The following AMPD3 variants were observed in gnomAD, a reference collection of about 807,000 sequenced individuals.
The protein encoded by AMPD3 is adenosine monophosphate deaminase 3.
In AMPD3, 57 loss-of-function variants were observed where a neutral mutation model predicts 82.3. The observed-to-expected ratio is 0.69, with a 90% CI of 0.56 to 0.86. The LOEUF (loss-of-function observed/expected upper bound fraction) is 0.86, where lower values mean the gene tolerates loss of function less well. Among genes scored for constraint, AMPD3 ranks in the 40% least tolerant of loss-of-function variants. AMPD3 has a pLI of 0.00. For synonymous variants in AMPD3, 381 were observed against 394.7 expected, an observed-to-expected ratio of 0.97 and a Z score of 0.41; for missense variants, 870 against 1,003.8, an observed-to-expected ratio of 0.87 and a Z score of 1.80.
chr11:10,496,977 CA>C, intron 10 of AMPD3, 39 bp downstream of exon 10: 1 of 1,609,600 alleles, frequency 6.2e-7, no homozygotes, highest in Non-Finnish European at 8.5e-7. Context: ...CTCATAGCGG[CA>C]GAGGCAGGAA....
At chr11:10,450,715 C>A (rs1429818893), upstream of AMPD3, 3 of 1,097,972 alleles carry the variant, frequency 2.7e-6, no homozygotes, top group Admixed American at 1.0e-4. Flanking sequence ...CGGCGCGGCC[C>A]GGGCGCTTCA....
At chr11:10,452,924 C>CA (rs1847995767), upstream of AMPD3, among the ~76,000 whole-genome samples, 2 of 152,130 alleles carry the variant, frequency 1.3e-5, no homozygotes, top group South Asian at 4.1e-4. Flanking sequence ...GATTCAAATG[C>CA]AGGGAGTCTA....
chr11:10,500,815 G>T (rs536925443), intron 11 of AMPD3: 2 of 985,306 alleles, frequency 2.0e-6, no homozygotes, highest in Non-Finnish European at 2.4e-6. Flanking sequence ...CGAGGCACAC[G>T]TGGCCAGGAG....
rs761730405 is a variant in AMPD3, at chr11:10,487,378, G to A, written c.939+14G>A. On this transcript the variant is annotated intron_variant, in intron 6 of 14. Coordinates refer to ENST00000396553, the MANE Select transcript of AMPD3 (RefSeq NM_001025389.2). ...AACGTGAGAAAGGTGCGTTAGGGGC[G>A]AGTGTTCACAGCTGCCTCACCCGGT... 4.6e-5 allele frequency: 74 copies of A among 1,613,696 alleles called. No individual in the cohort carries two copies. Among genetic ancestry groups the A allele is most frequent in the Middle Eastern group, 1.6e-4 (1 of 6,070 alleles).
At chr11:10,464,624 GCTTGGTC>G (rs1299970801) in intron 2 of AMPD3, among the ~76,000 whole-genome samples, 1 of 152,146 alleles carries the variant, frequency 6.6e-6, no homozygotes, top group African/African-American at 2.4e-5. Context: ...CTGAAAAAAA[GCTTGGTC>G]CCTGGACTGT....
At chr11:10,503,867 A>G (rs946370978) in intron 13 of AMPD3, 15 of 626,488 alleles carry the variant, frequency 2.4e-5, no homozygotes, top group South Asian at 7.0e-5. Context: ...AAGACCTTTC[A>G]AAAGGTCTTA....
chr11:10,486,977 C>T (rs1849089570), intron 5 of AMPD3: 1 of 985,428 alleles, frequency 1.0e-6, no homozygotes, highest in Non-Finnish European at 1.2e-6. Flanking sequence ...AACACATAAA[C>T]AAGAAGTCAA....
rs574490148 is a variant in AMPD3 at position 10,478,138 on chromosome 11, A to C, written c.222-388A>C. 5 of 985,288 alleles carry C rather than the reference A, an allele frequency of 5.1e-6. No individual in the cohort carries two copies. The East Asian group carries it at 5.7e-4, about 112-fold the overall frequency. 61.0% of individuals were successfully genotyped at this position (985,288 alleles called of 1,614,324 possible). On this transcript the variant is annotated intron_variant, in intron 2 of 14. Coordinates refer to ENST00000396553, the MANE Select transcript of AMPD3 (RefSeq NM_001025389.2). ...AGAGTTTGTGTTATCTGAAGCCAGC[A>C]TGCTGTCCACACTGTGGGGAAAGCC...
chr11:10,484,900 A>T lies in AMPD3; in HGVS notation c.670A>T (p.Met224Leu). The T allele has an allele frequency of 6.2e-7, 1 of 1,614,072 alleles. No individual in the cohort carries two copies. The highest frequency in any genetic ancestry group is 1.1e-5 in the South Asian group (1 of 91,076). ...CCCCAACCTGGATTACTTGGTCCAC[A>T]TGCAGGGGGGCATCCTCTTTGTGTA... ...APPNLDYLVH[M>L]QGGILFVYDN... The change falls in exon 5 of 15, where the codon ATG becomes TTG. Residue 224 changes from methionine to leucine, a missense_variant. Met to Leu is a conservative substitution (Grantham distance 15). Transcript: ENST00000396553.
intron 2 of AMPD3, chr11:10,473,489 G>T (rs1175982475): frequency 1.0e-5 from 10 of 985,090 alleles, no homozygotes; most frequent in Non-Finnish European, 1.2e-5. Flanking sequence ...GAGAAAGAAG[G>T]GGCAGGTTTC....
At chr11:10,479,122 A>C (rs954894403) in intron 3 of AMPD3, among the ~76,000 whole-genome samples, 1 of 152,176 alleles carries the variant, frequency 6.6e-6, no homozygotes, top group Admixed American at 6.5e-5. Flanking sequence ...GTGTGAAATT[A>C]GTTGTTGCTA....
intron 13 of AMPD3, among the ~76,000 whole-genome samples, chr11:10,503,193 T>C (rs1361954052): frequency 6.6e-6 from 1 of 152,244 alleles, no homozygotes; most frequent in Non-Finnish European, 1.5e-5. Context: ...TGGATCAAGT[T>C]CTTCTTCATC....
intron 14 of AMPD3, 42 bp downstream of exon 14, chr11:10,504,701 G>C (rs1849669170): frequency 1.3e-6 from 2 of 1,573,176 alleles, no homozygotes; most frequent in African/African-American, 2.7e-5. Context: ...TCCTGGGAAG[G>C]CTGCCTGCTG....
intron 5 of AMPD3, 96 bp downstream of exon 5, chr11:10,485,135 T>G: frequency 8.4e-7 from 1 of 1,189,432 alleles, no homozygotes; most frequent in South Asian, 1.3e-5. Context: ...TGGGGTCCCC[T>G]GTACTTAAAG....
chr11:10,494,546 T>G, intron 7 of AMPD3: 2 of 985,162 alleles, frequency 2.0e-6, no homozygotes, highest in Non-Finnish European at 2.4e-6. Flanking sequence ...TTGAATGATA[T>G]AATGTGGAGA....
chr11:10,485,039 C>T lies in AMPD3; in HGVS notation c.809C>T (p.Thr270Met), dbSNP rs754844590. The T allele has an allele frequency of 3.1e-6, 5 of 1,612,482 alleles. No homozygotes were observed. The highest frequency in any genetic ancestry group is 1.7e-5 in the Admixed American group (1 of 59,892). ...HILALITDGP[T>M]KTYCHRRLNF... ...CTGGCTCTCATCACCGATGGCCCCA[C>T]GTAAGCTAGCTTCTCCGCGGCTGCC... is the stretch of plus-strand genomic sequence containing the variant. The change falls in exon 5 of 15, where the codon ACG becomes ATG. Residue 270 changes from threonine to methionine, a missense_variant and splice_region_variant. Transcript: ENST00000396553.
chr11:10,478,586 A>G lies in AMPD3; in HGVS notation c.282A>G (p.Gln94=), dbSNP rs757544674. The G allele has an allele frequency of 1.2e-6, 2 of 1,614,208 alleles. No homozygotes were observed. The highest frequency in any genetic ancestry group is 1.1e-5 in the South Asian group (1 of 91,078). The part of the protein sequence containing the change: ...QSLSLQMPPQ[Q]DWKGPPAASP... Reference sequence around the variant, plus strand: ...TGTCTCTGCAAATGCCGCCACAGCAAGATTGGAAGGGCCCCCCGGCAGCCA... The same window carrying G: ...TGTCTCTGCAAATGCCGCCACAGCAGGATTGGAAGGGCCCCCCGGCAGCCA... Residue 94 remains glutamine, a synonymous_variant, in exon 3 of 15, where the codon CAA becomes CAG. Transcript: ENST00000396553.
upstream of AMPD3, among the ~76,000 whole-genome samples, chr11:10,454,354 C>A (rs1424942777): frequency 1.3e-5 from 2 of 152,172 alleles, no homozygotes; most frequent in Non-Finnish European, 1.5e-5. Context: ...AGGAAGGCAG[C>A]TTTCTCTAAG....
chr11:10,469,005 A>G (rs1352103287), intron 2 of AMPD3, among the ~76,000 whole-genome samples: 1 of 152,242 alleles, frequency 6.6e-6, no homozygotes, highest in Non-Finnish European at 1.5e-5. Context: ...GTGTAGTGGG[A>G]AATTTATAGC....
Sources: allele counts gnomAD v4.1 joint callset (sites outside exome capture counted in the v4.1 genomes callset), GRCh38; gene constraint gnomAD v4.1.1; transcripts MANE v1.5; gene names NCBI Gene and HGNC (gene_info 2026-07-23, HGNC 2026-07-21).